The following PPP2R5E variants were observed in gnomAD, a reference collection of about 807,000 sequenced individuals.
The protein encoded by PPP2R5E is protein phosphatase 2 regulatory subunit B'epsilon, also known as serine/threonine-protein phosphatase 2A 56 kDa regulatory subunit epsilon isoform.
Under a neutral mutation model 65.3 loss-of-function variants are expected in PPP2R5E, and 4 were observed. The observed-to-expected ratio is 0.06, with a 90% CI of 0.03 to 0.14. The LOEUF is 0.14. Among genes scored for constraint, PPP2R5E ranks in the 10% least tolerant of loss-of-function variants. The probability of loss-of-function intolerance (pLI) is 1.00; values close to 1 mark genes in which losing one functional copy is unlikely to be tolerated. For missense variants in PPP2R5E, 274 were observed against 556.1 expected, an observed-to-expected ratio of 0.49 and a Z score of 5.10; for synonymous variants, 183 against 187.4, an observed-to-expected ratio of 0.98 and a Z score of 0.19.
chr14:63,466,943 T>C (rs1437760321), intron 2 of PPP2R5E, among the ~76,000 whole-genome samples: 2 of 152,102 alleles, frequency 1.3e-5, no homozygotes, highest in Non-Finnish European at 2.9e-5. Flanking sequence ...AAAAACATTA[T>C]TGGCCGGGTG....
intron 2 of PPP2R5E, among the ~76,000 whole-genome samples, chr14:63,531,621 T>C (rs1328499340): frequency 6.6e-6 from 1 of 152,170 alleles, no homozygotes; most frequent in African/African-American, 2.4e-5. Context: ...ATAGATGTTC[T>C]TTCAGTTCGA....
chr14:63,488,624 A>G (rs971505237), intron 2 of PPP2R5E, among the ~76,000 whole-genome samples: 8 of 151,054 alleles, frequency 5.3e-5, no homozygotes, highest in African/African-American at 1.9e-4. Context: ...TGAGTTGGGC[A>G]GATCACTTGA....
intron 2 of PPP2R5E, among the ~76,000 whole-genome samples, chr14:63,520,180 C>T (rs1200918077): frequency 6.6e-6 from 1 of 151,990 alleles, no homozygotes; most frequent in Non-Finnish European, 1.5e-5. Flanking sequence ...GGACTACTGG[C>T]GCCCGCCACC....
At position 63,508,336 on chromosome 14, in the gene PPP2R5E, C is replaced by T. The variant is rs141511689; in HGVS notation, c.157+31193G>A. On this transcript the variant is annotated intron_variant, in intron 2 of 13. Transcript: ENST00000337537. ...TTGTTCTGTCACTCTCACAAAACAA[C>T]TGCATATATTCGCTAGTTTCATAGG... 7.5e-5 allele frequency: 37 copies of T among 490,710 alleles called. No individual in the cohort carries two copies. The East Asian group carries it at 4.0e-3, about 53-fold the overall frequency. The allele number at this position is 490,710 out of a possible 1,614,324, so 30.4% of individuals were successfully genotyped here. A position where few individuals can be genotyped will look rare whatever the true frequency, so the allele number is the denominator to read the frequency against.
At chr14:63,488,847 TTAAA>T (rs1329712747) in intron 2 of PPP2R5E, among the ~76,000 whole-genome samples, 2 of 151,584 alleles carry the variant, frequency 1.3e-5, no homozygotes, top group Admixed American at 1.3e-4. Flanking sequence ...AGACTCCATC[TTAAA>T]TAAATAAATT....
At chr14:63,448,504 A>T (rs1888632956) in intron 3 of PPP2R5E, among the ~76,000 whole-genome samples, 1 of 151,098 alleles carries the variant, frequency 6.6e-6, no homozygotes, top group East Asian at 2.0e-4. Context: ...ACAAACCTTC[A>T]ATTTGTTTGG....
intron 5 of PPP2R5E, among the ~76,000 whole-genome samples, chr14:63,399,366 C>CTTTGTTTTTTTTT (rs1885604828): frequency 1.0e-4 from 5 of 48,504 alleles, no homozygotes; most frequent in Non-Finnish European, 1.1e-4. Context: ...GGATTTCTTT[C>CTTTGTTTTTTTTT]TTTTTTTTTT....
chr14:63,435,419 T>C (rs1480738803), intron 3 of PPP2R5E, among the ~76,000 whole-genome samples: 1 of 152,168 alleles, frequency 6.6e-6, no homozygotes, highest in African/African-American at 2.4e-5. Flanking sequence ...CTTAATTTCC[T>C]CTTCCTCTGC....
intron 2 of PPP2R5E, among the ~76,000 whole-genome samples, chr14:63,498,488 G>A (rs897247649): frequency 6.6e-6 from 1 of 151,786 alleles, no homozygotes; most frequent in African/African-American, 2.4e-5. Context: ...TAAGTGTCTT[G>A]GATCTTCATT....
At chr14:63,384,597 T>A (rs1594811838) in intron 11 of PPP2R5E, 26 bp from the exon 12 acceptor site, 2 of 1,561,740 alleles carry the variant, frequency 1.3e-6, no homozygotes, top group East Asian at 4.5e-5. Context: ...AATAAAATGT[T>A]AAGAGAGAGA....
intron 2 of PPP2R5E, among the ~76,000 whole-genome samples, chr14:63,535,950 G>C (rs1185750466): frequency 6.6e-6 from 1 of 152,190 alleles, no homozygotes; most frequent in South Asian, 2.1e-4. Flanking sequence ...AGAAAATCAA[G>C]AGCAAATACA....
intron 7 of PPP2R5E, 93 bp downstream of exon 7, chr14:63,395,133 A>C (rs1435041230): frequency 2.9e-6 from 3 of 1,033,668 alleles, no homozygotes; most frequent in Non-Finnish European, 4.5e-6. Context: ...TACATACAGC[A>C]AGAGAACTAG....
At chr14:63,453,441 A>C (rs896487131) in intron 3 of PPP2R5E, 2 of 286,942 alleles carry the variant, frequency 7.0e-6, no homozygotes, top group African/African-American at 4.3e-5. Context: ...ATACCCTGGC[A>C]ATCTTGGCTT....
At chr14:63,399,366 C>CTTTTTT (rs397814218) in intron 5 of PPP2R5E, among the ~76,000 whole-genome samples, 1,373 of 48,638 alleles carry the variant, frequency 0.028, 195 homozygotes, top group Middle Eastern at 0.12. Flanking sequence ...GGATTTCTTT[C>CTTTTTT]TTTTTTTTTT....
intron 1 of PPP2R5E, among the ~76,000 whole-genome samples, chr14:63,541,600 A>C (rs1594988603): frequency 6.6e-6 from 1 of 152,228 alleles, no homozygotes; most frequent in Non-Finnish European, 1.5e-5. Flanking sequence ...ATATGGGGGA[A>C]ATGCTGAAAT....
chr14:63,507,193 C>A (rs1374907308), intron 2 of PPP2R5E, among the ~76,000 whole-genome samples: 6 of 152,218 alleles, frequency 3.9e-5, no homozygotes, highest in Non-Finnish European at 7.3e-5. Context: ...AAAGGACCAT[C>A]AGTGGGCCTT....
chr14:63,496,199 A>G (rs1311322777), intron 2 of PPP2R5E, among the ~76,000 whole-genome samples: 2 of 152,062 alleles, frequency 1.3e-5, no homozygotes, highest in South Asian at 2.1e-4. Flanking sequence ...ACACTGCTTG[A>G]GCCCTCAAGA....
intron 11 of PPP2R5E, among the ~76,000 whole-genome samples, chr14:63,385,430 A>T (rs1484408767): frequency 6.6e-6 from 1 of 152,118 alleles, no homozygotes; most frequent in African/African-American, 2.4e-5. Flanking sequence ...AATTCTGCCC[A>T]TGTCATCTGA....
intron 11 of PPP2R5E, among the ~76,000 whole-genome samples, chr14:63,385,888 C>G (rs1023921488): frequency 6.6e-6 from 1 of 152,216 alleles, no homozygotes; most frequent in Admixed American, 6.5e-5. Flanking sequence ...TGCACCTACC[C>G]TCTCTGCTCT....
Sources: allele counts gnomAD v4.1 joint callset (sites outside exome capture counted in the v4.1 genomes callset), GRCh38; gene constraint gnomAD v4.1.1; transcripts MANE v1.5; gene names NCBI Gene and HGNC (gene_info 2026-07-23, HGNC 2026-07-21).